SP1: variants seen among roughly 807,000 people sequenced by gnomAD.
The protein encoded by SP1 is transcription factor Sp1.
A neutral mutation model predicts 66.3 loss-of-function variants in SP1; 6 were observed. The observed-to-expected ratio is 0.09, with a 90% CI of 0.05 to 0.18. The LOEUF is 0.18. Among genes scored for constraint, SP1 ranks in the 10% least tolerant of loss-of-function variants. The pLI is 1.00. For synonymous variants in SP1, 417 were observed against 360.8 expected, an observed-to-expected ratio of 1.16 and a Z score of -1.77; for missense variants, 848 against 964.5, an observed-to-expected ratio of 0.88 and a Z score of 1.60.
chr12:53,390,110 G>A (rs921514703), intron 3 of SP1, among the ~76,000 whole-genome samples: 1 of 152,170 alleles, frequency 6.6e-6, no homozygotes, highest in Non-Finnish European at 1.5e-5. Context: ...TTAATGAAAA[G>A]TAGGTTTAGA....
At chr12:53,399,930 A>G (rs1467011515) in intron 3 of SP1, among the ~76,000 whole-genome samples, 1 of 151,674 alleles carries the variant, frequency 6.6e-6, no homozygotes, top group Non-Finnish European at 1.5e-5. Flanking sequence ...CGCGCCTGGC[A>G]ATTTTTGTAT....
intron 3 of SP1, among the ~76,000 whole-genome samples, chr12:53,404,707 G>A (rs1938691551): frequency 6.6e-6 from 1 of 152,020 alleles, no homozygotes; most frequent in South Asian, 2.1e-4. Context: ...TTGTTCTGTT[G>A]GCCAGGCTGG....
At chr12:53,396,789 T>C (rs557656473) in intron 3 of SP1, among the ~76,000 whole-genome samples, 10 of 152,222 alleles carry the variant, frequency 6.6e-5, no homozygotes, top group Non-Finnish European at 1.2e-4. Flanking sequence ...TTAGATGTTA[T>C]TAGATTATTT....
In SP1 at chr12:53,394,565, G is replaced by A. The variant is rs1248745555; in HGVS notation, c.1675+10943G>A. Reference sequence around the variant, plus strand: ...TTACGGATATCGGCCACTGTGCTGCGTGGTCTTTTCTTTTCTTCTTTTTTT... The same window carrying A: ...TTACGGATATCGGCCACTGTGCTGCATGGTCTTTTCTTTTCTTCTTTTTTT... On this transcript the variant is annotated intron_variant, in intron 3 of 5. Coordinates refer to ENST00000327443, the MANE Select transcript of SP1 (RefSeq NM_138473.3). 4.2e-5 allele frequency among the ~76,000 whole-genome samples: 6 copies of A among 142,768 alleles called. No individual in the cohort carries two copies. The South Asian group carries it at 8.8e-4, about 21-fold the overall frequency. The allele number at this position is 142,768 out of a possible 152,430, so 93.7% of individuals were successfully genotyped here.
At chr12:53,382,073 G>T (rs746949775) in intron 2 of SP1, 37 bp from the exon 3 acceptor site, 17 of 1,596,088 alleles carry the variant, frequency 1.1e-5, no homozygotes, top group Non-Finnish European at 1.4e-5. Flanking sequence ...GCAGCTGGGT[G>T]TCACTAACTC....
At position 53,413,274 on chromosome 12, in the gene SP1, C is replaced by G. The variant is rs1025146608; in HGVS notation, c.*2034C>G. On this transcript the variant is annotated 3_prime_UTR_variant, in exon 6 of 6. Coordinates refer to ENST00000327443, the MANE Select transcript of SP1 (RefSeq NM_138473.3). ...TATGAATGGAGGATATTCTACTGTACTTTTTTAAAAAGAAACTATTTTTGT... is the reference window on the plus strand; with the variant it reads ...TATGAATGGAGGATATTCTACTGTAGTTTTTTAAAAAGAAACTATTTTTGT... 2.6e-5 allele frequency: 4 copies of G among 152,192 alleles called. No homozygotes were observed. The highest frequency in any genetic ancestry group is 4.8e-5 in the African/African-American group (2 of 41,414). The allele number at this position is 152,192 out of a possible 1,614,324, so 9.4% of individuals were successfully genotyped here.
At chr12:53,402,390 AT>A (rs1418345419) in intron 3 of SP1, among the ~76,000 whole-genome samples, 1 of 151,794 alleles carries the variant, frequency 6.6e-6, no homozygotes, top group Non-Finnish European at 1.5e-5. Flanking sequence ...TGCCCGGCTA[AT>A]TTTTGTATTT....
intron 3 of SP1, among the ~76,000 whole-genome samples, chr12:53,393,076 A>G (rs1022128378): frequency 3.6e-5 from 5 of 140,794 alleles, no homozygotes; most frequent in South Asian, 2.3e-4. Flanking sequence ...GCCTGCCTCA[A>G]CCTCCCAAGT....
intron 3 of SP1, among the ~76,000 whole-genome samples, chr12:53,397,753 C>G (rs1313363482): frequency 6.6e-6 from 1 of 151,942 alleles, no homozygotes; most frequent in East Asian, 1.9e-4. Context: ...AGGGTTTCAC[C>G]ATGTTGGCCT....
chr12:53,406,950 G>T (rs1472366318), intron 4 of SP1, among the ~76,000 whole-genome samples, 197 bp downstream of exon 4: 1 of 151,078 alleles, frequency 6.6e-6, no homozygotes. Flanking sequence ...TCAGCCTCCC[G>T]AGTAGCTGGG....
At chr12:53,408,762 C>T (rs957258638) in intron 4 of SP1, among the ~76,000 whole-genome samples, 2 of 151,748 alleles carry the variant, frequency 1.3e-5, no homozygotes, top group African/African-American at 4.8e-5. Flanking sequence ...AAAAATTAGC[C>T]GGGTGTGGTG....
intron 3 of SP1, among the ~76,000 whole-genome samples, chr12:53,388,977 CAA>C (rs59161932): frequency 7.1e-6 from 1 of 140,114 alleles, no homozygotes. Context: ...GAGTCCCTGT[CAA>C]AAAAAAAAAG....
In SP1 at chr12:53,385,269, G is replaced by C. The variant is rs560569550; in HGVS notation, c.1675+1647G>C. 4.6e-5 allele frequency among the ~76,000 whole-genome samples: 7 copies of C among 151,528 alleles called. No homozygotes were observed. In the South Asian group the frequency reaches 8.3e-4, roughly 18 times the overall value. On this transcript the variant is annotated intron_variant, in intron 3 of 5. Coordinates refer to ENST00000327443, the MANE Select transcript of SP1 (RefSeq NM_138473.3). Reference sequence around the variant, plus strand: ...AGATCACATCACTGCACTCCAGCCTGGTTGACAGAGCAAGACCCTGTCTCA... The same window carrying C: ...AGATCACATCACTGCACTCCAGCCTCGTTGACAGAGCAAGACCCTGTCTCA...
rs934091807 is a variant in SP1 at position 53,415,653 on chromosome 12, A to T, written c.*4413A>T. ...AAGTATCAGGGGAAAAAAAAAAAAAAAAAGCCTAACAAATGGGATTAGACT... is the reference window on the plus strand; with the variant it reads ...AAGTATCAGGGGAAAAAAAAAAAAATAAAGCCTAACAAATGGGATTAGACT... On this transcript the variant is annotated 3_prime_UTR_variant, in exon 6 of 6. Coordinates refer to ENST00000327443, the MANE Select transcript of SP1 (RefSeq NM_138473.3). 3 of 152,430 alleles carry T rather than the reference A, an allele frequency of 2.0e-5. No homozygotes were observed. Among genetic ancestry groups the T allele is most frequent in the Admixed American group, 2.0e-4 (3 of 15,246 alleles). The allele number at this position is 152,430 out of a possible 1,614,324, so 9.4% of individuals were successfully genotyped here.
intron 3 of SP1, among the ~76,000 whole-genome samples, chr12:53,405,713 G>GGGAA (rs1938718490): frequency 4.6e-5 from 7 of 151,166 alleles, no homozygotes; most frequent in African/African-American, 1.2e-4. Context: ...GAGGGAAGGA[G>GGGAA]GGAGGGAGGG....
chr12:53,384,276 C>T, intron 3 of SP1, among the ~76,000 whole-genome samples: 1 of 147,874 alleles, frequency 6.8e-6, no homozygotes, highest in East Asian at 2.0e-4. Context: ...GCTTTCTTTT[C>T]TTTTTTTTCT....
Position 53,380,239 on chromosome 12 carries a change from C to T in SP1, c.-53C>T, listed in dbSNP as rs1938049611. On this transcript the variant is annotated 5_prime_UTR_variant, in exon 1 of 6. Coordinates refer to ENST00000327443, the MANE Select transcript of SP1 (RefSeq NM_138473.3). ...GTCAGCGTCCGCGTTTTTCCCGGCC[C>T]CCCCCAACCCCCCCGGACAGGACCC... 5.4e-6 allele frequency: 6 copies of T among 1,108,690 alleles called. No homozygotes were observed. The highest frequency in any genetic ancestry group is 1.3e-5 in the South Asian group (1 of 79,758). The allele number at this position is 1,108,690 out of a possible 1,614,324, so 68.7% of individuals were successfully genotyped here.
chr12:53,403,898 A>G (rs71455248), intron 3 of SP1, among the ~76,000 whole-genome samples: 1 of 151,818 alleles, frequency 6.6e-6, no homozygotes, highest in African/African-American at 2.4e-5. Flanking sequence ...AAGGCCGGGC[A>G]CGGTGGCTCA....
At position 53,383,225 on chromosome 12, in the gene SP1, A is replaced by G. The variant is rs1938149858; in HGVS notation, c.1278A>G (p.Thr426=). The change falls in exon 3 of 6, where the codon ACA becomes ACG. Residue 426 remains threonine, a synonymous_variant. Transcript: ENST00000327443. ...CACCATTGTCAGGGCAGACCTTTAC[A>G]ACTCAAGCCATCTCCCAGGAAACCC... ...QAAPLSGQTF[T]TQAISQETLQ... 6.2e-7 allele frequency: 1 copy of G among 1,614,158 alleles called. No homozygotes were observed. The highest frequency in any genetic ancestry group is 2.2e-5 in the East Asian group (1 of 44,882).
Sources: allele counts gnomAD v4.1 joint callset (sites outside exome capture counted in the v4.1 genomes callset), GRCh38; gene constraint gnomAD v4.1.1; transcripts MANE v1.5; gene names NCBI Gene and HGNC (gene_info 2026-07-23, HGNC 2026-07-21).